Variants in GRM5 observed in about 807,000 individuals in gnomAD.
GRM5 encodes the protein glutamate metabotropic receptor 5.
In GRM5, 19 loss-of-function variants were observed where a neutral mutation model predicts 83.1. The ratio of observed to expected loss-of-function variants is 0.23; its 90% CI spans 0.16 to 0.34. GRM5 has a LOEUF of 0.34. Among genes scored for constraint, GRM5 ranks in the 10% least tolerant of loss-of-function variants. The pLI is 1.00. For missense variants in GRM5, 1,160 were observed against 1,588.3 expected (o/e 0.73, Z 4.58); for synonymous variants, 675 against 633.6 (o/e 1.07, Z -0.98).
chr11:88,873,902 C>A (rs1165909685), intron 2 of GRM5, among the ~76,000 whole-genome samples: 1 of 151,482 alleles, frequency 6.6e-6, no homozygotes, highest in Non-Finnish European at 1.5e-5. Flanking sequence ...AATAAACATA[C>A]CACAGAAATA....
At chr11:88,601,695 T>C (rs1281928373) in intron 5 of GRM5, among the ~76,000 whole-genome samples, 1 of 152,174 alleles carries the variant, frequency 6.6e-6, no homozygotes, top group African/African-American at 2.4e-5. Context: ...CAGTCTAACA[T>C]TGGGTGTCCA....
In GRM5 at chr11:88,649,768, A is replaced by G. The variant is rs117793249; in HGVS notation, c.1147+3400T>C. 5.3e-3 allele frequency among the ~76,000 whole-genome samples: 806 copies of G among 151,890 alleles called. 4 individuals are homozygous for G. Among genetic ancestry groups the G allele is most frequent in the Non-Finnish European group, 8.0e-3 (544 of 67,824 alleles). On this transcript the variant is annotated intron_variant, in intron 4 of 9. Transcript: ENST00000305447. ...AATGTTCTAAGAAAAATATACACTA[A>G]TACAACTTCCTGGCAGTATATCTGC...
At chr11:88,643,594 T>C (rs962205340) in intron 4 of GRM5, among the ~76,000 whole-genome samples, 1 of 152,220 alleles carries the variant, frequency 6.6e-6, no homozygotes, top group African/African-American at 2.4e-5. Context: ...ACTAGATTAC[T>C]GTTCTCTCCA....
intron 2 of GRM5, among the ~76,000 whole-genome samples, chr11:88,879,379 A>C (rs569777316): frequency 6.6e-6 from 1 of 151,874 alleles, no homozygotes; most frequent in Non-Finnish European, 1.5e-5. Flanking sequence ...CATTGGGAAA[A>C]TTTTAAATAG....
rs1037503234 is a variant in GRM5 at position 88,650,002 on chromosome 11, A to G, written c.1147+3166T>C. On this transcript the variant is annotated intron_variant, in intron 4 of 9. Coordinates refer to ENST00000305447, the MANE Select transcript of GRM5 (RefSeq NM_001143831.3). ...CAAAAAAAATTCTGAAGGGGTATAT[A>G]GATTTAAATATTTGCAAGCTTCTTG... Among the ~76,000 whole-genome samples, 7 of 152,024 alleles carry G rather than the reference A, an allele frequency of 4.6e-5. No individual in the cohort carries two copies. The East Asian group carries it at 7.7e-4, about 17-fold the overall frequency.
At chr11:89,040,289 A>AT (rs1941499276) in intron 2 of GRM5, among the ~76,000 whole-genome samples, 1 of 152,112 alleles carries the variant, frequency 6.6e-6, no homozygotes, top group Admixed American at 6.6e-5. Flanking sequence ...TAATCATCAT[A>AT]TTTTATCTAT....
chr11:88,633,352 A>G (rs1939032017), intron 4 of GRM5, among the ~76,000 whole-genome samples: 1 of 152,068 alleles, frequency 6.6e-6, no homozygotes, highest in Admixed American at 6.6e-5. Flanking sequence ...AGTGTTTTTA[A>G]TTTTGATGAA....
intron 4 of GRM5, among the ~76,000 whole-genome samples, chr11:88,625,640 G>A (rs1259592308): frequency 2.0e-5 from 3 of 152,062 alleles, no homozygotes; most frequent in South Asian, 4.2e-4. Flanking sequence ...AGAAAGGGAG[G>A]GGGGCAAGGG....
intron 2 of GRM5, among the ~76,000 whole-genome samples, chr11:88,881,619 G>A (rs538385083): frequency 3.9e-5 from 6 of 152,256 alleles, no homozygotes; most frequent in African/African-American, 1.4e-4. Flanking sequence ...TATAAATGGA[G>A]ACTGTAGTAA....
intron 2 of GRM5, among the ~76,000 whole-genome samples, chr11:88,910,096 G>A (rs1945471345): frequency 6.6e-6 from 1 of 151,854 alleles, no homozygotes; most frequent in Admixed American, 6.6e-5. Context: ...CCCAGTCCCT[G>A]GTAGTCTTTA....
chr11:88,789,592 T>G (rs1478863799), intron 3 of GRM5, among the ~76,000 whole-genome samples: 3 of 152,156 alleles, frequency 2.0e-5, no homozygotes, highest in African/African-American at 7.2e-5. Context: ...GAACCTTATC[T>G]TTTAGAATGA....
intron 3 of GRM5, among the ~76,000 whole-genome samples, chr11:88,741,931 A>C (rs1033480059): frequency 5.3e-5 from 8 of 151,794 alleles, no homozygotes; most frequent in African/African-American, 1.9e-4. Context: ...ATAAAAGCAA[A>C]CACATTTAAA....
At chr11:88,910,032 A>T (rs1440958695) in intron 2 of GRM5, among the ~76,000 whole-genome samples, 1 of 151,910 alleles carries the variant, frequency 6.6e-6, no homozygotes, top group Non-Finnish European at 1.5e-5. Flanking sequence ...AAATCACTTC[A>T]CCTCAGATGG....
chr11:88,896,758 G>GC (rs1185815734), intron 2 of GRM5, among the ~76,000 whole-genome samples: 1 of 151,696 alleles, frequency 6.6e-6, no homozygotes, highest in Non-Finnish European at 1.5e-5. Flanking sequence ...TTAGATGATG[G>GC]CCACATACAT....
chr11:88,936,534 G>C (rs1937900444), intron 2 of GRM5, among the ~76,000 whole-genome samples: 1 of 151,726 alleles, frequency 6.6e-6, no homozygotes, highest in Non-Finnish European at 1.5e-5. Context: ...TGAAAACATG[G>C]AAAACAATGT....
At chr11:88,636,555 T>A (rs1173384633) in intron 4 of GRM5, among the ~76,000 whole-genome samples, 1 of 152,062 alleles carries the variant, frequency 6.6e-6, no homozygotes, top group Non-Finnish European at 1.5e-5. Context: ...CTATTTTTAG[T>A]TTGTGAGTCA....
At chr11:88,916,777 G>A (rs944238772) in intron 2 of GRM5, among the ~76,000 whole-genome samples, 12 of 151,714 alleles carry the variant, frequency 7.9e-5, no homozygotes, top group African/African-American at 9.7e-5. Context: ...AGAGAGAAAA[G>A]AGAACTTTGT....
At chr11:88,929,411 A>C (rs644170) in intron 2 of GRM5, among the ~76,000 whole-genome samples, 116,687 of 151,962 alleles carry the variant, frequency 0.77, 48,434 homozygotes, top group Non-Finnish European at 0.94. Context: ...AAATACATTT[A>C]ATATGTTTAA....
rs558866534 is a variant in GRM5, at chr11:88,951,436, G to A, written c.661+95776C>T. On this transcript the variant is annotated intron_variant, in intron 2 of 9. Coordinates refer to ENST00000305447, the MANE Select transcript of GRM5 (RefSeq NM_001143831.3). The stretch of plus-strand genomic sequence containing the variant: ...TCCTTGCAAGTGTGCAGGTTATATG[G>A]CCTGTCTGCCACTGAGCCTGCTGAA... Among the ~76,000 whole-genome samples the A allele has an allele frequency of 1.4e-4, 22 of 152,330 alleles. No individual in the cohort carries two copies. In the East Asian group the frequency reaches 3.3e-3, roughly 23 times the overall value.
Sources: gnomAD v4.1 joint callset for allele counts (sites outside exome capture counted in the v4.1 genomes callset) on GRCh38, gnomAD v4.1.1 for gene constraint, MANE v1.5 for transcripts, NCBI Gene and HGNC (gene_info 2026-07-23, HGNC 2026-07-21) for gene names.